KATNB1: variants seen among roughly 807,000 people sequenced by gnomAD.
KATNB1 encodes katanin p80 WD40 repeat-containing subunit B1.
A neutral mutation model predicts 82.3 loss-of-function variants in KATNB1; 38 were observed. The observed-to-expected ratio is 0.46, with a 90% confidence interval of 0.36 to 0.61. The LOEUF (loss-of-function observed/expected upper bound fraction) is 0.61. Among genes scored for constraint, KATNB1 ranks in the 20% least tolerant of loss-of-function variants. The probability of loss-of-function intolerance (pLI) is 0.00; values close to 1 mark genes in which losing one functional copy is unlikely to be tolerated. For missense variants in KATNB1, 749 were observed against 915.7 expected (o/e 0.82, Z 2.35); for synonymous variants, 361 against 368.7 (o/e 0.98, Z 0.24).
rs116899572 is a variant in KATNB1, at chr16:57,750,714, A to G, written c.290-113A>G. The G allele has an allele frequency of 9.6e-3, 7,552 of 785,844 alleles. 51 individuals carry two copies. The highest frequency in any genetic ancestry group is 0.017 in the Middle Eastern group (73 of 4,412). The allele number at this position is 785,844 out of a possible 1,614,324, so 48.7% of individuals were successfully genotyped here. A position where few individuals can be genotyped will look rare whatever the true frequency, so the allele number is the denominator to read the frequency against. On this transcript the variant is annotated intron_variant, in intron 4 of 19. Transcript: ENST00000379661. ...TTTTAAAAATGTGTGTTATTGTTCT[A>G]TTTTTCTGTGCAGCTAATCCAAAAG...
chr16:57,748,470 A>T (rs7206366), intron 4 of KATNB1, among the ~76,000 whole-genome samples: 111,533 of 141,928 alleles, frequency 0.79, 43,782 homozygotes, highest in Middle Eastern at 0.94. Context: ...TATTTTTTTA[A>T]AAAAAAAAAA....
intron 8 of KATNB1, 133 bp from the exon 9 acceptor site, chr16:57,752,397 G>A (rs1555583600): frequency 1.2e-5 from 10 of 838,512 alleles, no homozygotes; most frequent in South Asian, 1.6e-5. Flanking sequence ...GTCAGGGCCA[G>A]CTCTGCCCCA....
chr16:57,752,505 C>A (rs781941098), intron 8 of KATNB1, 25 bp from the exon 9 acceptor site: 2 of 1,553,652 alleles, frequency 1.3e-6, no homozygotes, highest in South Asian at 1.2e-5. Flanking sequence ...ATAGGCTTCG[C>A]AGCACAGCTT....
Position 57,757,085 on chromosome 16 carries a change from GC to G in KATNB1, c.*140del. 1 of 968,328 alleles carries G rather than the reference GC, an allele frequency of 1.0e-6. No homozygotes were observed. The allele number at this position is 968,328 out of a possible 1,614,324, so 60.0% of individuals were successfully genotyped here. A position where few individuals can be genotyped will look rare whatever the true frequency, so the allele number is the denominator to read the frequency against. ...CTGTGGCCGTCCTGGAGGAGGTGAT[GC>G]TGGTCCCTGGCCACCTCTACAGCCC... On this transcript the variant is annotated 3_prime_UTR_variant, in exon 20 of 20. Coordinates refer to ENST00000379661, the MANE Select transcript of KATNB1 (RefSeq NM_005886.3).
rs371443727 is a variant in KATNB1 at position 57,755,099 on chromosome 16, G to A, written c.1297-20G>A. ...AGAGGGAGGCCCCAGGCCGGCAACC[G>A]CTGAGTTTCACACTTTCAGCTGGAG... On this transcript the variant is annotated intron_variant, in intron 14 of 19. Coordinates refer to ENST00000379661, the MANE Select transcript of KATNB1 (RefSeq NM_005886.3). 9.3e-5 allele frequency: 150 copies of A among 1,612,696 alleles called. No individual in the cohort carries two copies. Among genetic ancestry groups the A allele is most frequent in the South Asian group, 8.8e-5 (8 of 91,082 alleles).
rs782420846 is a variant in KATNB1, at chr16:57,756,876, A to G, written c.1898A>G (p.Lys633Arg). ...AGCATCAGCGGCCTGGTCAAGAGCA[A>G]GTCAGGCCTGAGCGGCCGCCATGGC... ...LKSISGLVKS[K>R]SGLSGRHGST... Residue 633 changes from lysine (K) to arginine (R), a missense_variant, in exon 20 of 20, where the codon AAG (lysine) becomes AGG (arginine). By Grantham distance (26) the Lys-to-Arg change is conservative. Transcript: ENST00000379661. The G allele has an allele frequency of 1.3e-6, 2 of 1,562,976 alleles. No individual in the cohort carries two copies. The highest frequency in any genetic ancestry group is 1.4e-5 in the African/African-American group (1 of 73,760).
At chr16:57,752,252 G>A in intron 8 of KATNB1, 197 bp downstream of exon 8, 2 of 639,754 alleles carry the variant, frequency 3.1e-6, no homozygotes, top group Non-Finnish European at 5.6e-6. Context: ...CCTGGCCCCA[G>A]TGTCCCAGGT....
Position 57,753,404 on chromosome 16 carries a change from A to G in KATNB1, c.1062A>G (p.Ser354=). The change falls in exon 12 of 20, where the codon TCA becomes TCG. Residue 354 remains serine (S), a synonymous_variant. Coordinates refer to ENST00000379661, the MANE Select transcript of KATNB1 (RefSeq NM_005886.3). ...ACGCTCCCAGGGTGAAGCAGAACTC[A>G]GAGAGCGAGCGCCGCAGCCCCAGCA... ...CSKPQRVKQN[S]ESERRSPSSE... is the part of the protein sequence containing the mutation. 1.2e-6 allele frequency: 2 copies of G among 1,611,946 alleles called. No homozygotes were observed. Among genetic ancestry groups the G allele is most frequent in the Non-Finnish European group, 1.7e-6 (2 of 1,179,298 alleles).
Position 57,741,863 on chromosome 16 carries a change from G to A in KATNB1, c.171+46G>A, listed in dbSNP as rs782069369. 3.2e-6 allele frequency: 5 copies of A among 1,580,768 alleles called. No individual in the cohort carries two copies. In the Admixed American group the frequency reaches 7.2e-5, roughly 23 times the overall value. On this transcript the variant is annotated intron_variant, in intron 3 of 19. Coordinates refer to ENST00000379661, the MANE Select transcript of KATNB1 (RefSeq NM_005886.3). ...GGGGGTCAGGACAAGGGCCTGGGGA[G>A]GGGACGGGGACAGGGGTTGGAGGCT...
At chr16:57,740,960 G>A (rs1597823528) in intron 2 of KATNB1, among the ~76,000 whole-genome samples, 2 of 152,382 alleles carry the variant, frequency 1.3e-5, no homozygotes, top group East Asian at 3.9e-4. Context: ...CGCGCTCTGA[G>A]GGAGTCCTCA....
At chr16:57,756,578 C>T (rs2049286367) in intron 19 of KATNB1, 106 bp downstream of exon 19, 2 of 1,218,236 alleles carry the variant, frequency 1.6e-6, no homozygotes, top group African/African-American at 1.5e-5. Context: ...GGACAGAGTA[C>T]AGAGGAGGCG....
chr16:57,754,306 T>C (rs2049258040), intron 13 of KATNB1, among the ~76,000 whole-genome samples: 1 of 151,896 alleles, frequency 6.6e-6, no homozygotes, highest in African/African-American at 2.4e-5. Flanking sequence ...CCACCTTAGA[T>C]GGGGTCTGCT....
intron 14 of KATNB1, 52 bp from the exon 15 acceptor site, chr16:57,755,067 G>T: frequency 6.2e-7 from 1 of 1,613,250 alleles, no homozygotes. Context: ...GGTGCCTCGG[G>T]AGGCAGAGAG....
rs781957453 is a variant in KATNB1, at chr16:57,741,764, G to A, written c.118G>A (p.Gly40Arg). The A allele has an allele frequency of 3.1e-6, 5 of 1,613,892 alleles. No individual in the cohort carries two copies. Among genetic ancestry groups the A allele is most frequent in the Admixed American group, 1.7e-5 (1 of 60,032 alleles). The change falls in exon 3 of 20, where the codon GGG becomes AGG. Residue 40 changes from glycine (G) to arginine (R), a missense_variant. Transcript: ENST00000379661. The part of the protein sequence containing the change: ...KASGRLLATG[G>R]DDCRVNLWSI... ...CTCCGGGCGGCTGCTGGCTACAGGCGGGGATGACTGCCGCGTCAACCTGTG... is the reference window on the plus strand; with the variant it reads ...CTCCGGGCGGCTGCTGGCTACAGGCAGGGATGACTGCCGCGTCAACCTGTG...
At chr16:57,753,841 C>T (rs2049251416) in intron 12 of KATNB1, 104 bp from the exon 13 acceptor site, 1 of 1,078,552 alleles carries the variant, frequency 9.3e-7, no homozygotes, top group East Asian at 2.5e-5. Flanking sequence ...TCTGCAGCCG[C>T]ATGCCTGGGA....
At chr16:57,752,656 C>G (rs1031077028) in intron 9 of KATNB1, 55 bp downstream of exon 9, 3 of 1,545,516 alleles carry the variant, frequency 1.9e-6, no homozygotes, top group Admixed American at 2.0e-5. Context: ...TGGGGCGTGG[C>G]TGTGGGTGGG....
At chr16:57,755,674 G>C in intron 16 of KATNB1, 167 bp from the exon 17 acceptor site, 1 of 1,009,796 alleles carries the variant, frequency 9.9e-7, no homozygotes, top group Admixed American at 2.7e-5. Context: ...GCCGTTTAGT[G>C]AGCATCTGTT....
intron 13 of KATNB1, 90 bp downstream of exon 13, chr16:57,754,085 CCCAG>C: frequency 9.0e-7 from 1 of 1,107,218 alleles, no homozygotes; most frequent in Admixed American, 1.9e-5. Flanking sequence ...CAAGCCCCTT[CCCAG>C]GACCCTCCCC....
At chr16:57,742,729 G>C (rs1178408825) in intron 3 of KATNB1, among the ~76,000 whole-genome samples, 1 of 152,250 alleles carries the variant, frequency 6.6e-6, no homozygotes. Flanking sequence ...TCAGCAGAGA[G>C]GTTGTTTCCG....
Sources: gnomAD v4.1 joint callset for allele counts (sites outside exome capture counted in the v4.1 genomes callset) on GRCh38, gnomAD v4.1.1 for gene constraint, MANE v1.5 for transcripts, NCBI Gene and HGNC (gene_info 2026-07-23, HGNC 2026-07-21) for gene names.